The following RLF variants were observed in gnomAD, a reference collection of about 807,000 sequenced individuals.
RLF encodes the protein zinc finger protein Rlf.
RLF carries 7 observed loss-of-function variants against 162.9 expected under a neutral mutation model. The ratio of observed to expected loss-of-function variants is 0.04; its 90% CI spans 0.02 to 0.08. RLF has a LOEUF of 0.08. Ranked by LOEUF, RLF falls within the 10% of genes least tolerant of loss-of-function variation. The pLI, the probability that RLF is intolerant of heterozygous loss-of-function variation, is 1.00. For missense variants in RLF, 1,664 were observed against 2,244.7 expected, an observed-to-expected ratio of 0.74 and a Z score of 5.23; for synonymous variants, 782 against 791.5, an observed-to-expected ratio of 0.99 and a Z score of 0.20.
chr1:40,240,880 A>AT lies in RLF; in HGVS notation c.*439dup, dbSNP rs1643283713. On this transcript the variant is annotated 3_prime_UTR_variant, in exon 8 of 8. Coordinates refer to ENST00000372771, the MANE Select transcript of RLF (RefSeq NM_012421.4). ...TATATTGTACACTACAGCATCTTAT[A>AT]TTTTTTGAGTTGAGTTTCAATAAAT... 1 of 153,680 alleles carries AT rather than the reference A, an allele frequency of 6.5e-6. No individual in the cohort carries two copies. The highest frequency in any genetic ancestry group is 1.4e-5 in the Non-Finnish European group (1 of 68,984). The allele number at this position is 153,680 out of a possible 1,614,324, so 9.5% of individuals were successfully genotyped here. A position where few individuals can be genotyped will look rare whatever the true frequency, so the allele number is the denominator to read the frequency against.
At chr1:40,179,544 C>G (rs1016843228) in intron 1 of RLF, among the ~76,000 whole-genome samples, 7 of 133,998 alleles carry the variant, frequency 5.2e-5, no homozygotes, top group African/African-American at 2.3e-4. Context: ...TTAAAGTTAA[C>G]TCTTTTTTTT....
intron 7 of RLF, among the ~76,000 whole-genome samples, chr1:40,233,790 CAGTT>C (rs1337426624): frequency 1.3e-5 from 2 of 152,164 alleles, no homozygotes; most frequent in African/African-American, 2.4e-5. Flanking sequence ...TGTTCACAGT[CAGTT>C]ACAGACTGAA....
intron 7 of RLF, among the ~76,000 whole-genome samples, chr1:40,235,343 G>T (rs547517561): frequency 1.3e-5 from 2 of 152,154 alleles, no homozygotes; most frequent in East Asian, 3.9e-4. Context: ...GTGAGCCACC[G>T]TGCCCAGCCA....
chr1:40,162,615 A>C (rs971579965), intron 1 of RLF, among the ~76,000 whole-genome samples: 1 of 152,166 alleles, frequency 6.6e-6, no homozygotes, highest in Non-Finnish European at 1.5e-5. Context: ...GCGGCGTTCT[A>C]AAATAATAAT....
At chr1:40,226,339 G>T (rs904694125) in intron 6 of RLF, among the ~76,000 whole-genome samples, 1 of 151,954 alleles carries the variant, frequency 6.6e-6, no homozygotes. Context: ...TGAGTGAGAT[G>T]GTGTTTGTAT....
rs375874051 is a variant in RLF at position 40,240,459 on chromosome 1, G to C, written c.*12G>C. 7 of 1,592,680 alleles carry C rather than the reference G, an allele frequency of 4.4e-6. No individual in the cohort carries two copies. The highest frequency in any genetic ancestry group is 6.0e-6 in the Non-Finnish European group (7 of 1,165,226). On this transcript the variant is annotated 3_prime_UTR_variant, in exon 8 of 8. Coordinates refer to ENST00000372771, the MANE Select transcript of RLF (RefSeq NM_012421.4). ...TAGGAAGTTCATAAGTAGCAATTTT[G>C]TTTTAGTAACAGACTGGCTCCAACA...
chr1:40,185,302 T>C (rs916842620), intron 1 of RLF, among the ~76,000 whole-genome samples: 1 of 151,258 alleles, frequency 6.6e-6, no homozygotes, highest in Non-Finnish European at 1.5e-5. Flanking sequence ...GGCTACTTTC[T>C]GTATTTTTAG....
intron 1 of RLF, among the ~76,000 whole-genome samples, chr1:40,162,101 T>TA (rs1642095822): frequency 6.6e-6 from 1 of 152,096 alleles, no homozygotes; most frequent in South Asian, 2.1e-4. Context: ...TCTGGGCTCC[T>TA]AAAAGGTATG....
Position 40,202,585 on chromosome 1 carries a change from A to T in RLF, c.781A>T (p.Met261Leu), listed in dbSNP as rs149894090. The change falls in exon 5 of 8, where the codon ATG becomes TTG. Residue 261 changes from methionine to leucine, a missense_variant. This residue lies in a region of RLF where 287 missense variants were observed against 404.9 expected (regional missense o/e 0.71). Transcript: ENST00000372771. ...QQAYITCLCS[M>L]LPNEDAIKEI... ...AGCCTATATCACATGTTTATGTTCT[A>T]TGCTCCCTAATGAAGATGCTATTAA... 36 of 1,545,776 alleles carry T rather than the reference A, an allele frequency of 2.3e-5. No individual in the cohort carries two copies. In the East Asian group the frequency reaches 8.2e-4, roughly 35 times the overall value.
chr1:40,229,413 C>CAA (rs1643123444), intron 6 of RLF, among the ~76,000 whole-genome samples: 1 of 145,912 alleles, frequency 6.9e-6, no homozygotes, highest in Non-Finnish European at 1.5e-5. Flanking sequence ...GGTTATAGCT[C>CAA]AAATTTGCCA....
intron 5 of RLF, among the ~76,000 whole-genome samples, chr1:40,215,470 T>C (rs1375614352): frequency 6.6e-6 from 1 of 151,932 alleles, no homozygotes; most frequent in Non-Finnish European, 1.5e-5. Flanking sequence ...TAGAAACCAA[T>C]AGCAGAAGGA....
chr1:40,232,215 TTA>T (rs1643161232), intron 7 of RLF, among the ~76,000 whole-genome samples: 1 of 149,438 alleles, frequency 6.7e-6, no homozygotes. Context: ...CTTTTTTTTT[TTA>T]AAAAAAAAAA....
At chr1:40,185,291 C>T (rs932288743) in intron 1 of RLF, among the ~76,000 whole-genome samples, 10 of 151,254 alleles carry the variant, frequency 6.6e-5, no homozygotes, top group East Asian at 6.0e-4. Flanking sequence ...CCACCACGCC[C>T]GGCTACTTTC....
In RLF at chr1:40,240,104, C is replaced by A. The variant is rs903296426; in HGVS notation, c.5402C>A (p.Ser1801Tyr). 7 of 1,614,066 alleles carry A rather than the reference C, an allele frequency of 4.3e-6. No individual in the cohort carries two copies. Among genetic ancestry groups the A allele is most frequent in the Middle Eastern group, 1.7e-4 (1 of 6,060 alleles). ...EPSEHLTLSN[S>Y]SQSSNDLTGN... is the part of the protein sequence containing the mutation. ...TCAGAGCACTTAACATTAAGTAATT[C>A]TTCACAGTCCAGTAATGATTTAACA... The change falls in exon 8 of 8, where the codon TCT becomes TAT. Residue 1801 changes from serine (S) to tyrosine (Y), a missense_variant. By Grantham distance (144) the Ser-to-Tyr change is moderately radical (BLOSUM62 -2). This residue lies in a region of RLF where 327 missense variants were observed against 342.7 expected (regional missense o/e 0.95). Coordinates refer to ENST00000372771, the MANE Select transcript of RLF (RefSeq NM_012421.4).
intron 7 of RLF, among the ~76,000 whole-genome samples, chr1:40,234,481 C>T (rs1190539380): frequency 1.3e-5 from 2 of 152,166 alleles, no homozygotes; most frequent in East Asian, 1.9e-4. Flanking sequence ...AAATGCCTGG[C>T]AAATTGTTTA....
At chr1:40,216,737 A>G (rs1642929091) in intron 5 of RLF, among the ~76,000 whole-genome samples, 2 of 152,106 alleles carry the variant, frequency 1.3e-5, no homozygotes, top group Admixed American at 6.5e-5. Flanking sequence ...TACTAAAACC[A>G]AACAAAGGCA....
chr1:40,194,184 A>C (rs182509416), intron 3 of RLF, among the ~76,000 whole-genome samples: 3 of 152,306 alleles, frequency 2.0e-5, no homozygotes, highest in Admixed American at 6.5e-5. Context: ...AGGACATTTT[A>C]TATAGAGCCA....
chr1:40,222,779 TG>T (rs1207708495), intron 6 of RLF, 69 bp downstream of exon 6: 1 of 1,379,768 alleles, frequency 7.2e-7, no homozygotes, highest in Non-Finnish European at 1.0e-6. Flanking sequence ...TTATGTAAAA[TG>T]TTAATTTGTT....
chr1:40,239,506 C>T lies in RLF; in HGVS notation c.4804C>T (p.Pro1602Ser). The T allele has an allele frequency of 6.2e-7, 1 of 1,613,970 alleles. No individual in the cohort carries two copies. Among genetic ancestry groups the T allele is most frequent in the Non-Finnish European group, 8.5e-7 (1 of 1,180,028 alleles). ...VKYGTKIKEE[P>S]PSEADPCIKK... ...GTACGGTACCAAAATTAAGGAGGAA[C>T]CCCCTTCTGAAGCAGATCCCTGTAT... is the stretch of plus-strand genomic sequence containing the variant. Residue 1602 changes from proline (P) to serine (S), a missense_variant, in exon 8 of 8, where the codon CCC becomes TCC. Physicochemically the swap from Pro to Ser is moderately conservative, Grantham distance 74 (BLOSUM62 -1). This residue lies in a region of RLF where 327 missense variants were observed against 342.7 expected (regional missense o/e 0.95). Coordinates refer to ENST00000372771, the MANE Select transcript of RLF (RefSeq NM_012421.4).
Sources: allele counts gnomAD v4.1 joint callset (sites outside exome capture counted in the v4.1 genomes callset), GRCh38; gene constraint gnomAD v4.1.1; regional missense constraint gnomAD v4.1.1; transcripts MANE v1.5; gene names NCBI Gene and HGNC (gene_info 2026-07-23, HGNC 2026-07-21).